NCOA1: variants seen among roughly 807,000 people sequenced by gnomAD.
NCOA1 encodes Hin-2 protein.
A neutral mutation model predicts 150.9 loss-of-function variants in NCOA1; 35 were observed. The ratio of observed to expected loss-of-function variants is 0.23; its 90% CI spans 0.18 to 0.31. The LOEUF (loss-of-function observed/expected upper bound fraction) is 0.31, where lower values mean the gene tolerates loss of function less well. NCOA1 is among the 10% of genes least tolerant of loss of function. The pLI, the probability that NCOA1 is intolerant of heterozygous loss-of-function variation, is 1.00. For synonymous variants in NCOA1, 590 were observed against 630.0 expected, an observed-to-expected ratio of 0.94 and a Z score of 0.95; for missense variants, 1,491 against 1,749.3, an observed-to-expected ratio of 0.85 and a Z score of 2.63.
At chr2:24,540,432 G>T (rs963463688) in intron 1 of NCOA1, among the ~76,000 whole-genome samples, 1 of 151,524 alleles carries the variant, frequency 6.6e-6, no homozygotes, top group African/African-American at 2.4e-5. Context: ...GATTAGAACT[G>T]TGCATGATTG....
chr2:24,759,559 G>A (rs1337522410), intron 21 of NCOA1, among the ~76,000 whole-genome samples: 5 of 152,048 alleles, frequency 3.3e-5, no homozygotes, highest in Non-Finnish European at 7.4e-5. Context: ...TAAGATTATT[G>A]CAATAACTCT....
At chr2:24,630,000 C>G (rs1450802572) in intron 3 of NCOA1, among the ~76,000 whole-genome samples, 1 of 151,588 alleles carries the variant, frequency 6.6e-6, no homozygotes, top group Non-Finnish European at 1.5e-5. Context: ...TCTGCCATCA[C>G]GCCCGGCTAA....
intron 3 of NCOA1, among the ~76,000 whole-genome samples, chr2:24,638,030 C>T (rs1670016668): frequency 6.6e-6 from 1 of 151,976 alleles, no homozygotes; most frequent in African/African-American, 2.4e-5. Context: ...TGTAGTTATC[C>T]AACAGTGGTA....
chr2:24,542,217 G>C lies in NCOA1; in HGVS notation c.-395-22078G>C, dbSNP rs112122058. On this transcript the variant is annotated intron_variant, in intron 1 of 22. Coordinates refer to ENST00000348332, the MANE Select transcript of NCOA1 (RefSeq NM_003743.5). ...CATAAGTAGTCAAACAATACAGAAA[G>C]TGTTGAAAATGTAGCTAAATTGAAG... 8.6e-4 allele frequency among the ~76,000 whole-genome samples: 131 copies of C among 152,098 alleles called. 2 individuals are homozygous for C. Among genetic ancestry groups the C allele is most frequent in the Middle Eastern group, 3.4e-3 (1 of 294 alleles).
chr2:24,516,196 T>TC (rs1664153421), intron 1 of NCOA1, among the ~76,000 whole-genome samples: 1 of 141,014 alleles, frequency 7.1e-6, no homozygotes, highest in East Asian at 2.0e-4. Context: ...CTTTTTTTTT[T>TC]TTTTTTTTTT....
chr2:24,763,500 A>G (rs1253881923), intron 22 of NCOA1, among the ~76,000 whole-genome samples: 2 of 138,510 alleles, frequency 1.4e-5, no homozygotes, highest in Non-Finnish European at 3.1e-5. Context: ...AGATCACGCC[A>G]CTGCATTCCA....
intron 3 of NCOA1, among the ~76,000 whole-genome samples, chr2:24,589,630 G>GGTGTGTGT (rs148118845): frequency 0.026 from 3,838 of 147,500 alleles, 77 homozygotes; most frequent in South Asian, 0.028. Context: ...AGAGGTTGGT[G>GGTGTGTGT]GTGTGTGTGT....
chr2:24,624,821 G>A (rs757585382), intron 3 of NCOA1, among the ~76,000 whole-genome samples: 1 of 152,214 alleles, frequency 6.6e-6, no homozygotes, highest in Admixed American at 6.5e-5. Context: ...GACTCTTGGG[G>A]TGGATGCATG....
At chr2:24,552,341 ATATATATATAT>A (rs1665872281) in intron 1 of NCOA1, among the ~76,000 whole-genome samples, 1 of 32,650 alleles carries the variant, frequency 3.1e-5, no homozygotes, top group Admixed American at 5.6e-4. Context: ...ATATATATAT[ATATATATATAT>A]ATTTTTTTTT....
intron 17 of NCOA1, among the ~76,000 whole-genome samples, chr2:24,736,221 CAAAAAAAA>C (rs758822213): frequency 1.6e-5 from 1 of 63,584 alleles, no homozygotes; most frequent in Non-Finnish European, 3.1e-5. Flanking sequence ...AACTCCGTCT[CAAAAAAAA>C]AAAAAAAAGA....
At chr2:24,626,290 A>G (rs1045993518) in intron 3 of NCOA1, among the ~76,000 whole-genome samples, 1 of 152,160 alleles carries the variant, frequency 6.6e-6, no homozygotes, top group Non-Finnish European at 1.5e-5. Flanking sequence ...TTGTGACATG[A>G]GATGTGGGGA....
At position 24,500,074 on chromosome 2, in the gene NCOA1, G is replaced by A. The variant is rs998589896; in HGVS notation, c.-396+8472G>A. On this transcript the variant is annotated intron_variant, in intron 1 of 22. Coordinates refer to ENST00000348332, the MANE Select transcript of NCOA1 (RefSeq NM_003743.5). ...AAGAGCCTTAACTCTTGGGACCCCA[G>A]GCACTTTTAGCCCGGTAGTTTCTTT... 3.9e-5 allele frequency among the ~76,000 whole-genome samples: 6 copies of A among 152,246 alleles called. No individual in the cohort carries two copies. The East Asian group carries it at 9.6e-4, about 24-fold the overall frequency.
intron 1 of NCOA1, among the ~76,000 whole-genome samples, chr2:24,532,983 G>A (rs1406625206): frequency 1.1e-4 from 16 of 152,124 alleles, no homozygotes; most frequent in Non-Finnish European, 2.9e-5. Flanking sequence ...TTCCAATTCT[G>A]TGAAGAAAGT....
chr2:24,636,746 GT>G (rs1183891273), intron 3 of NCOA1, among the ~76,000 whole-genome samples: 4 of 151,960 alleles, frequency 2.6e-5, no homozygotes, highest in African/African-American at 9.7e-5. Flanking sequence ...CTAGCTGTAG[GT>G]TTTTCATTTA....
chr2:24,658,320 G>A (rs757642673), intron 4 of NCOA1, among the ~76,000 whole-genome samples: 2 of 151,992 alleles, frequency 1.3e-5, no homozygotes, highest in South Asian at 2.1e-4. Flanking sequence ...TCAACATTCG[G>A]CTTCTACATT....
chr2:24,630,483 CATATATCTTGTTGCACATA>C (rs1669658184), intron 3 of NCOA1, among the ~76,000 whole-genome samples: 1 of 152,198 alleles, frequency 6.6e-6, no homozygotes, highest in Non-Finnish European at 1.5e-5. Context: ...GAACTTTCTT[CATATATCTTGTTGCACATA>C]TCCAAGAAAC....
intron 20 of NCOA1, among the ~76,000 whole-genome samples, chr2:24,755,616 T>C (rs1027774356): frequency 6.6e-6 from 1 of 152,234 alleles, no homozygotes; most frequent in African/African-American, 2.4e-5. Context: ...TGTTGGACTT[T>C]AGGTGTCAGT....
Position 24,532,918 on chromosome 2 carries a change from T to C in NCOA1, c.-395-31377T>C, listed in dbSNP as rs544748128. On this transcript the variant is annotated intron_variant, in intron 1 of 22. Coordinates refer to ENST00000348332, the MANE Select transcript of NCOA1 (RefSeq NM_003743.5). ...CCAGCTTTGTTCTTTTGGCTTAGGA[T>C]TGTCTTGGCATTGTGGGCTCTTTTT... Among the ~76,000 whole-genome samples the C allele has an allele frequency of 7.2e-5, 11 of 152,320 alleles. No individual in the cohort carries two copies. The South Asian group carries it at 2.3e-3, about 32-fold the overall frequency.
intron 1 of NCOA1, among the ~76,000 whole-genome samples, chr2:24,557,875 G>T (rs867685380): frequency 1.3e-4 from 20 of 151,022 alleles, no homozygotes; most frequent in African/African-American, 4.9e-4. Context: ...CTCTAACTTT[G>T]CGATTTTTAT....
Sources: gnomAD v4.1 joint callset for allele counts (sites outside exome capture counted in the v4.1 genomes callset) on GRCh38, gnomAD v4.1.1 for gene constraint, MANE v1.5 for transcripts, NCBI Gene and HGNC (gene_info 2026-07-23, HGNC 2026-07-21) for gene names.